NAALADL2: variants seen among roughly 807,000 people sequenced by gnomAD.
NAALADL2 encodes the protein inactive N-acetylated-alpha-linked acidic dipeptidase-like protein 2.
NAALADL2 carries 76 observed loss-of-function variants against 87.2 expected under a neutral mutation model. The ratio of observed to expected loss-of-function variants is 0.87; its 90% CI spans 0.72 to 1.05. NAALADL2 has a LOEUF of 1.05. NAALADL2 is among the 50% of genes least tolerant of loss of function. The pLI is 0.00. For synonymous variants in NAALADL2, 354 were observed against 331.0 expected, an observed-to-expected ratio of 1.07 and a Z score of -0.75; for missense variants, 1,089 against 945.8, an observed-to-expected ratio of 1.15 and a Z score of -1.99.
intron 2 of NAALADL2, among the ~76,000 whole-genome samples, chr3:174,562,501 A>G (rs1240063147): frequency 6.6e-6 from 1 of 152,124 alleles, no homozygotes; most frequent in Non-Finnish European, 1.5e-5. Flanking sequence ...GTAGAGTAAG[A>G]TATCCAGACT....
At chr3:175,781,396 T>G (rs959184053) in intron 13 of NAALADL2, among the ~76,000 whole-genome samples, 1 of 152,118 alleles carries the variant, frequency 6.6e-6, no homozygotes. Flanking sequence ...TAAAGAACAA[T>G]GCATGACTCA....
At chr3:175,274,314 C>T (rs1377357507) in intron 4 of NAALADL2, among the ~76,000 whole-genome samples, 2 of 152,152 alleles carry the variant, frequency 1.3e-5, no homozygotes, top group Non-Finnish European at 2.9e-5. Context: ...CCAAGGGCTT[C>T]CTCCCACGAC....
At chr3:174,786,449 CAAAA>C (rs36127298) in intron 3 of NAALADL2, among the ~76,000 whole-genome samples, 52 of 122,668 alleles carry the variant, frequency 4.2e-4, no homozygotes, top group East Asian at 2.8e-3. Context: ...GACTCTGTCT[CAAAA>C]AAAAAAAAAA....
At chr3:175,046,617 A>T (rs1754703866) in intron 1 of NAALADL2, among the ~76,000 whole-genome samples, 1 of 152,210 alleles carries the variant, frequency 6.6e-6, no homozygotes, top group Admixed American at 6.5e-5. Context: ...TTGCTCTGCG[A>T]CAGCAATAAG....
At chr3:175,424,125 T>C (rs1716368422) in intron 5 of NAALADL2, among the ~76,000 whole-genome samples, 1 of 152,222 alleles carries the variant, frequency 6.6e-6, no homozygotes, top group African/African-American at 2.4e-5. Context: ...TTGATTTTTT[T>C]CTTGTAAATT....
intron 11 of NAALADL2, among the ~76,000 whole-genome samples, chr3:175,724,057 A>C (rs148709988): frequency 7.2e-5 from 11 of 152,244 alleles, no homozygotes; most frequent in African/African-American, 2.6e-4. Flanking sequence ...TAGTACAGTA[A>C]CTATGTCACA....
intron 1 of NAALADL2, among the ~76,000 whole-genome samples, chr3:175,081,667 T>TA (rs931184919): frequency 2.6e-5 from 4 of 152,202 alleles, no homozygotes; most frequent in African/African-American, 9.6e-5. Context: ...TCTTTTTATT[T>TA]AAGGCTTCAA....
intron 1 of NAALADL2, among the ~76,000 whole-genome samples, chr3:174,968,796 C>G (rs910201488): frequency 1.3e-5 from 2 of 152,042 alleles, no homozygotes; most frequent in African/African-American, 2.4e-5. Flanking sequence ...TTTAAAAGTC[C>G]TTTAGGTCTA....
chr3:175,288,678 T>C (rs76009240), intron 4 of NAALADL2, among the ~76,000 whole-genome samples: 1,789 of 152,288 alleles, frequency 0.012, 32 homozygotes, highest in African/African-American at 0.041. Context: ...TTGCTTAGAA[T>C]CCATTCTGAC....
intron 2 of NAALADL2, among the ~76,000 whole-genome samples, chr3:174,627,767 A>G (rs994311984): frequency 2.0e-5 from 3 of 152,182 alleles, no homozygotes; most frequent in Non-Finnish European, 4.4e-5. Context: ...GCCATTAAAA[A>G]GAATGAAATC....
intron 1 of NAALADL2, among the ~76,000 whole-genome samples, chr3:175,049,687 G>T (rs1276207028): frequency 3.3e-5 from 5 of 152,110 alleles, no homozygotes; most frequent in Non-Finnish European, 5.9e-5. Context: ...TAAAAAAGGG[G>T]ATTGATCCCT....
intron 1 of NAALADL2, among the ~76,000 whole-genome samples, chr3:174,896,188 A>G (rs998813220): frequency 6.6e-6 from 1 of 152,088 alleles, no homozygotes; most frequent in Admixed American, 6.6e-5. Context: ...TAGCACAATC[A>G]GACAAGAGAA....
rs972882740 is a variant in NAALADL2 at position 175,596,638 on chromosome 3, G to A, written c.1800+20451G>A. 2.0e-5 allele frequency among the ~76,000 whole-genome samples: 3 copies of A among 151,842 alleles called. No homozygotes were observed. In the East Asian group the frequency reaches 5.8e-4, roughly 29 times the overall value. The stretch of plus-strand genomic sequence containing the variant: ...AGTCTGCTCTCCAGTAACATGGCAG[G>A]TATGTTGAGATTATTACTAATATTA... On this transcript the variant is annotated intron_variant, in intron 10 of 13. Coordinates refer to ENST00000454872, the MANE Select transcript of NAALADL2 (RefSeq NM_207015.3).
At chr3:175,037,408 C>T (rs1195268354) in intron 1 of NAALADL2, among the ~76,000 whole-genome samples, 1 of 152,070 alleles carries the variant, frequency 6.6e-6, no homozygotes, top group Non-Finnish European at 1.5e-5. Context: ...ATGACAACAC[C>T]CCTGAAAGAT....
chr3:175,098,103 C>G (rs1412850632), intron 2 of NAALADL2, among the ~76,000 whole-genome samples: 1 of 152,104 alleles, frequency 6.6e-6, no homozygotes, highest in African/African-American at 2.4e-5. Context: ...GATTCTAATC[C>G]TCTAATCCTC....
intron 2 of NAALADL2, among the ~76,000 whole-genome samples, chr3:175,126,367 T>C (rs570304913): frequency 1.1e-3 from 164 of 152,262 alleles, no homozygotes; most frequent in African/African-American, 3.8e-3. Flanking sequence ...ATTTCTTTTA[T>C]TGGTTCTGGG....
intron 2 of NAALADL2, among the ~76,000 whole-genome samples, chr3:175,117,051 C>T (rs562809290): frequency 6.6e-6 from 1 of 152,174 alleles, no homozygotes; most frequent in South Asian, 2.1e-4. Flanking sequence ...GGAAAATTGG[C>T]TAGCCATACG....
At position 174,734,138 on chromosome 3, in the gene NAALADL2, C is replaced by A. The variant is rs529485380; in HGVS notation, c.-114-3503C>A. On this transcript the variant is annotated intron_variant, in intron 2 of 3. Transcript: ENST00000434257. The stretch of plus-strand genomic sequence containing the variant: ...TTTGTACTAAAATTATCATTAATTT[C>A]TTGCATACCCTTACCCATGAATAGA... Among the ~76,000 whole-genome samples the A allele has an allele frequency of 3.5e-4, 53 of 152,240 alleles. 1 individual carries two copies. The highest frequency in any genetic ancestry group is 1.3e-3 in the African/African-American group (52 of 41,558).
intron 1 of NAALADL2, among the ~76,000 whole-genome samples, chr3:174,452,503 C>G (rs1237690431): frequency 6.6e-6 from 1 of 152,126 alleles, no homozygotes; most frequent in East Asian, 1.9e-4. Flanking sequence ...AATGCTTTAT[C>G]TGGCACCACC....
Sources: allele counts gnomAD v4.1 joint callset (sites outside exome capture counted in the v4.1 genomes callset), GRCh38; gene constraint gnomAD v4.1.1; transcripts MANE v1.5; gene names NCBI Gene and HGNC (gene_info 2026-07-23, HGNC 2026-07-21).